LHFPL3: variants seen among roughly 807,000 people sequenced by gnomAD.
The protein encoded by LHFPL3 is LHFPL tetraspan subfamily member 3 protein.
Under a neutral mutation model 19.3 loss-of-function variants are expected in LHFPL3, and 5 were observed. The observed-to-expected ratio is 0.26, with a 90% CI of 0.14 to 0.54. LHFPL3 has a LOEUF of 0.54. Ranked by LOEUF, LHFPL3 falls within the 20% of genes least tolerant of loss-of-function variation. The pLI, the probability that LHFPL3 is intolerant of heterozygous loss-of-function variation, is 0.94. For missense variants in LHFPL3, 249 were observed against 307.4 expected, an observed-to-expected ratio of 0.81 and a Z score of 1.42; for synonymous variants, 133 against 126.2, an observed-to-expected ratio of 1.05 and a Z score of -0.36.
intron 1 of LHFPL3, among the ~76,000 whole-genome samples, chr7:104,465,828 A>G (rs1278213554): frequency 1.3e-5 from 2 of 152,216 alleles, no homozygotes; most frequent in Non-Finnish European, 2.9e-5. Flanking sequence ...TTCATTATTC[A>G]CCTAAAAGTC....
At chr7:104,526,780 T>C (rs971617945) in intron 1 of LHFPL3, among the ~76,000 whole-genome samples, 1 of 152,218 alleles carries the variant, frequency 6.6e-6, no homozygotes, top group African/African-American at 2.4e-5. Flanking sequence ...GAAATTCTTA[T>C]CAACAGGGAC....
intron 2 of LHFPL3, among the ~76,000 whole-genome samples, chr7:104,905,792 T>C (rs1208376412): frequency 6.6e-6 from 1 of 152,236 alleles, no homozygotes; most frequent in Non-Finnish European, 1.5e-5. Flanking sequence ...ATAATTTCTT[T>C]TGTAGCTGCT....
chr7:104,637,823 CAGCTTTTTTTTTTTTTTTTTT>C (rs1422385612), intron 1 of LHFPL3, among the ~76,000 whole-genome samples: 1 of 116,914 alleles, frequency 8.6e-6, no homozygotes, highest in African/African-American at 3.3e-5. Flanking sequence ...GTGATGCCTC[CAGCTTTTTTTTTTTTTTTTTT>C]AGCTTTTTTT....
intron 1 of LHFPL3, among the ~76,000 whole-genome samples, chr7:104,355,609 G>A (rs1248059740): frequency 3.3e-5 from 5 of 152,276 alleles, no homozygotes; most frequent in African/African-American, 1.2e-4. Flanking sequence ...CTTAGACATG[G>A]CCTTCTACTC....
chr7:104,501,369 A>G (rs934781418), intron 1 of LHFPL3, among the ~76,000 whole-genome samples: 1 of 152,246 alleles, frequency 6.6e-6, no homozygotes, highest in Non-Finnish European at 1.5e-5. Flanking sequence ...AGCTGCAGTC[A>G]CTTGGGAGCA....
intron 1 of LHFPL3, among the ~76,000 whole-genome samples, chr7:104,515,702 A>G (rs1400348921): frequency 6.6e-6 from 1 of 152,178 alleles, no homozygotes; most frequent in Non-Finnish European, 1.5e-5. Flanking sequence ...CAAAAGCAAT[A>G]CGAAAAGGAG....
chr7:104,440,757 G>A (rs1792210329), intron 1 of LHFPL3, among the ~76,000 whole-genome samples: 1 of 152,006 alleles, frequency 6.6e-6, no homozygotes, highest in Non-Finnish European at 1.5e-5. Context: ...AGGAATGTTG[G>A]TTATCTACAT....
At chr7:104,749,610 GC>G (rs1270009132) in intron 2 of LHFPL3, among the ~76,000 whole-genome samples, 3 of 146,512 alleles carry the variant, frequency 2.0e-5, no homozygotes, top group African/African-American at 7.4e-5. Flanking sequence ...GGTTGGAGAG[GC>G]CCCATGGGTT....
chr7:104,328,750 A>C lies in LHFPL3; in HGVS notation c.-30A>C. The C allele has an allele frequency of 9.8e-7, 1 of 1,015,442 alleles. No individual in the cohort carries two copies. Among genetic ancestry groups the C allele is most frequent in the Non-Finnish European group, 1.3e-6 (1 of 797,684 alleles). The allele number at this position is 1,015,442 out of a possible 1,614,324, so 62.9% of individuals were successfully genotyped here. A position where few individuals can be genotyped will look rare whatever the true frequency, so the allele number is the denominator to read the frequency against. ...AGGCGGGGGGAGGCGGAGGACCAGG[A>C]GGAGGAGGAGGAGGAGGAGGAGGGG... On this transcript the variant is annotated 5_prime_UTR_variant, in exon 1 of 3. Transcript: ENST00000424859. The surrounding 1 kb of genome is among the most constrained non-coding windows in gnomAD (Gnocchi z 4.6).
At chr7:104,731,279 A>C (rs1183493313) in intron 1 of LHFPL3, among the ~76,000 whole-genome samples, 1 of 149,798 alleles carries the variant, frequency 6.7e-6, no homozygotes, top group Non-Finnish European at 1.5e-5. Flanking sequence ...TGGTAGCTTG[A>C]TGGGGATGGC....
intron 2 of LHFPL3, among the ~76,000 whole-genome samples, chr7:104,837,049 T>A: frequency 6.6e-6 from 1 of 152,316 alleles, no homozygotes; most frequent in Middle Eastern, 3.4e-3. Flanking sequence ...ACAATGAACA[T>A]TGGGCAGGGA....
intron 1 of LHFPL3, among the ~76,000 whole-genome samples, chr7:104,637,950 A>G (rs938255960): frequency 4.6e-5 from 7 of 151,648 alleles, no homozygotes; most frequent in African/African-American, 1.7e-4. Context: ...GTTTGATAGG[A>G]ATAGCATTGA....
chr7:104,823,476 T>C (rs1366424579), intron 2 of LHFPL3, among the ~76,000 whole-genome samples: 1 of 152,232 alleles, frequency 6.6e-6, no homozygotes, highest in African/African-American at 2.4e-5. Context: ...ATTGTGTTTA[T>C]TAAGCAGTTT....
intron 1 of LHFPL3, among the ~76,000 whole-genome samples, chr7:104,735,464 G>C (rs1431300442): frequency 2.6e-5 from 4 of 152,244 alleles, no homozygotes; most frequent in Non-Finnish European, 4.4e-5. Context: ...TTTGATCTCA[G>C]ACTGCTGTGC....
chr7:104,394,733 C>A (rs1255096057), intron 1 of LHFPL3, among the ~76,000 whole-genome samples: 1 of 149,600 alleles, frequency 6.7e-6, no homozygotes, highest in Non-Finnish European at 1.5e-5. Context: ...TGGAGTCTTG[C>A]TCTGTTGTTC....
At chr7:104,864,062 T>A (rs1255376946) in intron 2 of LHFPL3, among the ~76,000 whole-genome samples, 3 of 152,208 alleles carry the variant, frequency 2.0e-5, no homozygotes, top group Non-Finnish European at 2.9e-5. Context: ...CCATCAACAT[T>A]TTGTTAATTT....
intron 1 of LHFPL3, among the ~76,000 whole-genome samples, chr7:104,618,281 G>A (rs959581405): frequency 3.9e-5 from 6 of 152,118 alleles, no homozygotes; most frequent in African/African-American, 1.4e-4. Context: ...GCTTTAATAA[G>A]CAGTTGCTTG....
intron 2 of LHFPL3, among the ~76,000 whole-genome samples, chr7:104,781,647 T>A (rs945164668): frequency 6.6e-6 from 1 of 152,188 alleles, no homozygotes; most frequent in Non-Finnish European, 1.5e-5. Context: ...TACTTTCTCC[T>A]TCCGCCTCTA....
At chr7:104,623,857 C>A (rs1013592421) in intron 1 of LHFPL3, among the ~76,000 whole-genome samples, 1 of 152,128 alleles carries the variant, frequency 6.6e-6, no homozygotes, top group Non-Finnish European at 1.5e-5. Flanking sequence ...GCACCCCAAA[C>A]AATGCCATGT....
Sources: gnomAD v4.1 joint callset for allele counts (sites outside exome capture counted in the v4.1 genomes callset) on GRCh38, gnomAD v4.1.1 for gene constraint, Gnocchi (gnomAD v3.1) non-coding constraint, MANE v1.5 for transcripts, NCBI Gene and HGNC (gene_info 2026-07-23, HGNC 2026-07-21) for gene names.